Variants in C10orf90 observed in about 807,000 individuals in gnomAD.
C10orf90 encodes the protein chromosome 10 open reading frame 90.
A neutral mutation model predicts 62.5 loss-of-function variants in C10orf90; 56 were observed. That is an observed-to-expected ratio of 0.90 (90% CI 0.72 to 1.12). The LOEUF is 1.12. Among genes scored for constraint, C10orf90 ranks in the 50% most tolerant of loss-of-function variants. The pLI is 0.00. For missense variants in C10orf90, 970 were observed against 880.4 expected (o/e 1.10, Z -1.29); for synonymous variants, 386 against 340.4 (o/e 1.13, Z -1.47).
At chr10:126,487,336 A>T (rs1045218831) in intron 4 of C10orf90, among the ~76,000 whole-genome samples, 3 of 152,072 alleles carry the variant, frequency 2.0e-5, no homozygotes, top group Non-Finnish European at 4.4e-5. Flanking sequence ...TAAAAGAACC[A>T]AAAAGAAATC....
chr10:126,510,806 C>G (rs1345778867), intron 3 of C10orf90, among the ~76,000 whole-genome samples: 1 of 152,156 alleles, frequency 6.6e-6, no homozygotes, highest in African/African-American at 2.4e-5. Flanking sequence ...TGAGGTATTT[C>G]TAAGAAGGGC....
rs1320684199 is a variant in C10orf90, at chr10:126,640,536, G to A, written c.313+6029C>T. Reference sequence around the variant, plus strand: ...TAAGTTCCCTACACTCAGAGCCCACGGTCCTGGAGGGAAAAAGGATAAGTC... The same window carrying A: ...TAAGTTCCCTACACTCAGAGCCCACAGTCCTGGAGGGAAAAAGGATAAGTC... On this transcript the variant is annotated intron_variant, in intron 2 of 9. Coordinates refer to ENST00000488181, the MANE Select transcript of C10orf90 (RefSeq NM_001350921.2). Among the ~76,000 whole-genome samples the A allele has an allele frequency of 5.3e-5, 8 of 152,322 alleles. No individual in the cohort carries two copies. The South Asian group carries it at 1.0e-3, about 20-fold the overall frequency.
Position 126,536,301 on chromosome 10 carries a change from A to C in C10orf90, c.314-22362T>G, listed in dbSNP as rs142128766. ...GAGGGTAAGGAAGCATCTCCCTGTC[A>C]TGGTAAAACACAGATGACTCTCCCC... On this transcript the variant is annotated intron_variant, in intron 2 of 9. Transcript: ENST00000488181. Among the ~76,000 whole-genome samples, 926 of 152,306 alleles carry C rather than the reference A, an allele frequency of 6.1e-3. 8 individuals carry two copies. Among genetic ancestry groups the C allele is most frequent in the African/African-American group, 0.021 (880 of 41,568 alleles).
At chr10:126,588,331 C>T (rs2134025040) in intron 2 of C10orf90, among the ~76,000 whole-genome samples, 1 of 152,366 alleles carries the variant, frequency 6.6e-6, no homozygotes, top group South Asian at 2.1e-4. Flanking sequence ...TGCCAAGGGA[C>T]AGCCAGACTG....
intron 2 of C10orf90, among the ~76,000 whole-genome samples, chr10:126,546,959 T>C (rs1864506404): frequency 6.6e-6 from 1 of 152,072 alleles, no homozygotes; most frequent in South Asian, 2.1e-4. Flanking sequence ...ACCCCAACTC[T>C]ACTAATACTA....
At position 126,670,318 on chromosome 10, in the gene C10orf90, G is replaced by T. The variant is rs764052677; in HGVS notation, c.163C>A (p.Gln55Lys). The T allele has an allele frequency of 2.2e-6, 1 of 456,640 alleles. No homozygotes were observed. The highest frequency in any genetic ancestry group is 1.5e-5 in the South Asian group (1 of 64,562). 28.3% of individuals were successfully genotyped at this position (456,640 alleles called of 1,614,324 possible). Reference sequence around the variant, plus strand: ...ATGATACAAACTTTGGCTCTTCTCTGGGAGGGAAACCAGTTACTCTTCACA... The same window carrying T: ...ATGATACAAACTTTGGCTCTTCTCTTGGAGGGAAACCAGTTACTCTTCACA... Reference protein sequence around the residue: ...DFVKSNWFPSQRRAKVCIIHM... With the variant: ...DFVKSNWFPSKRRAKVCIIHM... Residue 55 changes from glutamine to lysine, a missense_variant, in exon 1 of 10, where the codon CAG becomes AAG. Physicochemically the swap from Gln to Lys is moderately conservative, Grantham distance 53. Transcript: ENST00000488181.
At chr10:126,478,620 C>A (rs568369028) in intron 4 of C10orf90, among the ~76,000 whole-genome samples, 1 of 152,228 alleles carries the variant, frequency 6.6e-6, no homozygotes, top group South Asian at 2.1e-4. Context: ...CTGTTTCCTG[C>A]CCTTTTTGCC....
At chr10:126,576,673 G>A (rs1336749747) in intron 2 of C10orf90, among the ~76,000 whole-genome samples, 8,176 of 42,768 alleles carry the variant, frequency 0.19, 1,832 homozygotes, top group African/African-American at 0.27. Context: ...ACATATATAT[G>A]TATACATATA....
At chr10:126,604,892 T>G (rs1364521071) in intron 2 of C10orf90, among the ~76,000 whole-genome samples, 1 of 152,210 alleles carries the variant, frequency 6.6e-6, no homozygotes, top group Non-Finnish European at 1.5e-5. Context: ...TAATGGATCT[T>G]GGGATTTGGT....
At chr10:126,582,618 TG>T (rs1289372102) in intron 2 of C10orf90, among the ~76,000 whole-genome samples, 16 of 152,148 alleles carry the variant, frequency 1.1e-4, no homozygotes, top group Admixed American at 1.0e-3. Context: ...GTGAGAGAGA[TG>T]GGGGCAAATA....
chr10:126,511,586 A>C (rs1591045496), intron 3 of C10orf90, among the ~76,000 whole-genome samples: 1 of 151,120 alleles, frequency 6.6e-6, no homozygotes, highest in Non-Finnish European at 1.5e-5. Context: ...TTAAAGGTGG[A>C]GTGGGTAAGT....
intron 4 of C10orf90, among the ~76,000 whole-genome samples, chr10:126,503,084 TTAAA>T (rs1251075412): frequency 6.6e-6 from 1 of 152,236 alleles, no homozygotes; most frequent in Non-Finnish European, 1.5e-5. Flanking sequence ...ACTAATATCT[TTAAA>T]TACTTTTTTC....
At chr10:126,499,329 C>A (rs967885387) in intron 4 of C10orf90, among the ~76,000 whole-genome samples, 3 of 152,116 alleles carry the variant, frequency 2.0e-5, no homozygotes, top group Non-Finnish European at 2.9e-5. Flanking sequence ...AACCATATGG[C>A]CCGCAAAGCC....
At chr10:126,583,021 C>T (rs1042615836) in intron 2 of C10orf90, among the ~76,000 whole-genome samples, 1 of 152,140 alleles carries the variant, frequency 6.6e-6, no homozygotes, top group Non-Finnish European at 1.5e-5. Flanking sequence ...GGTGGCTGTG[C>T]TGTGCATTTT....
intron 2 of C10orf90, among the ~76,000 whole-genome samples, chr10:126,561,491 A>T (rs1218422685): frequency 6.6e-6 from 1 of 152,214 alleles, no homozygotes; most frequent in Admixed American, 6.5e-5. Flanking sequence ...TCACTGCTAC[A>T]CAAGTTTCTG....
At chr10:126,493,881 G>A (rs1227804011) in intron 4 of C10orf90, among the ~76,000 whole-genome samples, 1 of 152,212 alleles carries the variant, frequency 6.6e-6, no homozygotes, top group Non-Finnish European at 1.5e-5. Context: ...TCTCCCTGAT[G>A]TCTAGCATGC....
chr10:126,584,602 G>GA (rs1844822527), intron 2 of C10orf90, among the ~76,000 whole-genome samples: 1 of 152,104 alleles, frequency 6.6e-6, no homozygotes, highest in South Asian at 2.1e-4. Context: ...TCCCATTCAG[G>GA]AGAGATGTAC....
At chr10:126,498,269 C>A (rs1462003420) in intron 4 of C10orf90, among the ~76,000 whole-genome samples, 4 of 152,156 alleles carry the variant, frequency 2.6e-5, no homozygotes, top group African/African-American at 7.2e-5. Context: ...CATTGGCAAA[C>A]CTTGTTGATC....
intron 2 of C10orf90, among the ~76,000 whole-genome samples, chr10:126,548,063 A>G (rs1483098598): frequency 6.6e-6 from 1 of 150,518 alleles, no homozygotes; most frequent in Non-Finnish European, 1.5e-5. Context: ...AAACAAACAG[A>G]AAAAAAAATC....
Sources: gnomAD v4.1 joint callset for allele counts (sites outside exome capture counted in the v4.1 genomes callset) on GRCh38, gnomAD v4.1.1 for gene constraint, MANE v1.5 for transcripts, NCBI Gene and HGNC (gene_info 2026-07-23, HGNC 2026-07-21) for gene names.